The following SMARCA2 variants were observed in gnomAD, a reference collection of about 807,000 sequenced individuals.
SMARCA2 encodes SWI/SNF related BAF chromatin remodeling complex subunit ATPase 2.
Under a neutral mutation model 199.8 loss-of-function variants are expected in SMARCA2, and 61 were observed. The ratio of observed to expected loss-of-function variants is 0.31; its 90% CI spans 0.25 to 0.38. The LOEUF is 0.38. Among genes scored for constraint, SMARCA2 ranks in the 10% least tolerant of loss-of-function variants. The pLI, the probability that SMARCA2 is intolerant of heterozygous loss-of-function variation, is 1.00. For missense variants in SMARCA2, 1,344 were observed against 2,012.2 expected, an observed-to-expected ratio of 0.67 and a Z score of 6.35; for synonymous variants, 935 against 732.0, an observed-to-expected ratio of 1.28 and a Z score of -4.48.
intron 27 of SMARCA2, among the ~76,000 whole-genome samples, chr9:2,141,111 G>T (rs1235851767): frequency 2.0e-5 from 3 of 151,928 alleles, no homozygotes; most frequent in African/African-American, 7.3e-5. Flanking sequence ...CCTCTCCCCA[G>T]GGGAGAGAAT....
chr9:2,060,118 CAAAAAA>C (rs372329238), intron 8 of SMARCA2, among the ~76,000 whole-genome samples: 14 of 62,412 alleles, frequency 2.2e-4, no homozygotes, highest in Non-Finnish European at 2.4e-4. Flanking sequence ...GATCTGTGGC[CAAAAAA>C]AAAAAAAAAA....
At chr9:2,163,365 T>C (rs1201207621) in intron 28 of SMARCA2, among the ~76,000 whole-genome samples, 1 of 152,226 alleles carries the variant, frequency 6.6e-6, no homozygotes, top group Non-Finnish European at 1.5e-5. Context: ...GACCAACGGT[T>C]CATTAATGAA....
At chr9:2,067,520 A>T (rs999400149) in intron 9 of SMARCA2, among the ~76,000 whole-genome samples, 7 of 152,182 alleles carry the variant, frequency 4.6e-5, no homozygotes, top group African/African-American at 1.4e-4. Context: ...CTGGCAGCAT[A>T]TATATTACTT....
At chr9:2,085,265 G>A (rs986416243) in intron 17 of SMARCA2, among the ~76,000 whole-genome samples, 2 of 152,170 alleles carry the variant, frequency 1.3e-5, no homozygotes, top group African/African-American at 4.8e-5. Flanking sequence ...GAATGTGTTT[G>A]TACATTTGAG....
At chr9:2,061,036 A>G in intron 9 of SMARCA2, 50 bp downstream of exon 9, 1 of 1,556,236 alleles carries the variant, frequency 6.4e-7, no homozygotes, top group Non-Finnish European at 8.8e-7. Context: ...GGGCAGGGAT[A>G]AGTTTTTAAG....
At chr9:2,188,169 C>T (rs1475388767) in intron 32 of SMARCA2, among the ~76,000 whole-genome samples, 1 of 152,024 alleles carries the variant, frequency 6.6e-6, no homozygotes, top group Admixed American at 6.6e-5. Context: ...GAGGGTTTTT[C>T]TACAGCAACA....
intron 21 of SMARCA2, among the ~76,000 whole-genome samples, chr9:2,099,622 T>C (rs983025606): frequency 1.3e-5 from 2 of 152,140 alleles, no homozygotes; most frequent in African/African-American, 4.8e-5. Flanking sequence ...CAGACTCTGA[T>C]TTGCAATTTT....
rs1488632098 is a variant in SMARCA2 at position 2,033,999 on chromosome 9, C to T, written c.355+918C>T. On this transcript the variant is annotated intron_variant, in intron 3 of 33. Coordinates refer to ENST00000349721, the MANE Select transcript of SMARCA2 (RefSeq NM_003070.5). ...TGGTGGCTGAAGCCTGTAATCCCAG[C>T]GCTTTGGGAGGCTGAGACGGGCGGA... Among the ~76,000 whole-genome samples, 4 of 152,224 alleles carry T rather than the reference C, an allele frequency of 2.6e-5. No individual in the cohort carries two copies. The highest frequency in any genetic ancestry group is 2.1e-4 in the South Asian group (1 of 4,812).
At chr9:2,146,488 CT>C (rs1326277794) in intron 27 of SMARCA2, among the ~76,000 whole-genome samples, 2 of 152,114 alleles carry the variant, frequency 1.3e-5, no homozygotes, top group Non-Finnish European at 2.9e-5. Flanking sequence ...GGTATTGTGG[CT>C]TTGTGGTCAC....
chr9:2,155,758 T>TTTTTTTC (rs1825328674), intron 27 of SMARCA2, among the ~76,000 whole-genome samples: 5 of 82,520 alleles, frequency 6.1e-5, no homozygotes, highest in African/African-American at 2.4e-4. Context: ...TTTTTTTTTT[T>TTTTTTTC]CAAAAGTGAT....
chr9:2,034,242 CAAA>C (rs759792374), intron 3 of SMARCA2, among the ~76,000 whole-genome samples: 7 of 64,124 alleles, frequency 1.1e-4, no homozygotes, highest in Admixed American at 3.2e-4. Flanking sequence ...GACTGCGTCT[CAAA>C]AAAAAAAAAA....
At chr9:2,052,652 C>A (rs1448819192) in intron 5 of SMARCA2, among the ~76,000 whole-genome samples, 1 of 152,130 alleles carries the variant, frequency 6.6e-6, no homozygotes, top group Non-Finnish European at 1.5e-5. Flanking sequence ...TCCTTACCAC[C>A]ATTTTTAAAT....
chr9:2,092,873 G>A (rs1359334332), intron 19 of SMARCA2, among the ~76,000 whole-genome samples: 1 of 152,186 alleles, frequency 6.6e-6, no homozygotes, highest in Non-Finnish European at 1.5e-5. Flanking sequence ...TCACATGCAT[G>A]CTCTAAACAG....
At chr9:2,088,205 C>A (rs563022084) in intron 18 of SMARCA2, among the ~76,000 whole-genome samples, 1 of 152,312 alleles carries the variant, frequency 6.6e-6, no homozygotes, top group Admixed American at 6.5e-5. Context: ...CATTGACAGT[C>A]ATATCCCATA....
At chr9:2,180,301 G>T (rs1028496317) in intron 29 of SMARCA2, among the ~76,000 whole-genome samples, 2 of 152,134 alleles carry the variant, frequency 1.3e-5, no homozygotes, top group Non-Finnish European at 2.9e-5. Flanking sequence ...TTTGACAGAG[G>T]ATTTTCGGTT....
At chr9:2,157,699 A>G (rs1402667450) in intron 27 of SMARCA2, 3 of 384,230 alleles carry the variant, frequency 7.8e-6, no homozygotes, top group South Asian at 1.5e-4. Flanking sequence ...GCGGAGGTGG[A>G]AACGATGCGC....
chr9:2,139,491 A>G (rs16937639), intron 27 of SMARCA2, among the ~76,000 whole-genome samples: 9,314 of 152,296 alleles, frequency 0.061, 384 homozygotes, highest in Non-Finnish European at 0.092. Context: ...TAGAGTGTCA[A>G]CATTCCAGGA....
chr9:2,192,869 G>C lies in SMARCA2; in HGVS notation c.*130G>C. On this transcript the variant is annotated 3_prime_UTR_variant, in exon 34 of 34. Coordinates refer to ENST00000349721, the MANE Select transcript of SMARCA2 (RefSeq NM_003070.5). ...CATCATCGTCTATAAACTAGCTTTAGGATAGTGCCAGACAAACATATGATA... is the reference window on the plus strand; with the variant it reads ...CATCATCGTCTATAAACTAGCTTTACGATAGTGCCAGACAAACATATGATA... 1.4e-6 allele frequency: 1 copy of C among 705,874 alleles called. No homozygotes were observed. The allele number at this position is 705,874 out of a possible 1,614,324, so 43.7% of individuals were successfully genotyped here.
intron 4 of SMARCA2, chr9:2,043,973 G>C (rs567008577): frequency 6.6e-6 from 1 of 152,262 alleles, no homozygotes; most frequent in Non-Finnish European, 1.5e-5. Context: ...ATAAGCTAAA[G>C]AATGTGATTT....
Sources: gnomAD v4.1 joint callset for allele counts (sites outside exome capture counted in the v4.1 genomes callset) on GRCh38, gnomAD v4.1.1 for gene constraint, MANE v1.5 for transcripts, NCBI Gene and HGNC (gene_info 2026-07-23, HGNC 2026-07-21) for gene names.